SLC24A2: variants seen among roughly 807,000 people sequenced by gnomAD.
SLC24A2 encodes the protein sodium/potassium/calcium exchanger 2.
A neutral mutation model predicts 62.0 loss-of-function variants in SLC24A2; 36 were observed. The ratio of observed to expected loss-of-function variants is 0.58; its 90% CI spans 0.44 to 0.77. The LOEUF (loss-of-function observed/expected upper bound fraction) is 0.77, where lower values mean the gene tolerates loss of function less well. Among genes scored for constraint, SLC24A2 ranks in the 30% least tolerant of loss-of-function variants. SLC24A2 has a pLI of 0.00. For missense variants in SLC24A2, 846 were observed against 817.9 expected, an observed-to-expected ratio of 1.03 and a Z score of -0.42; for synonymous variants, 358 against 294.0, an observed-to-expected ratio of 1.22 and a Z score of -2.23.
intron 2 of SLC24A2, among the ~76,000 whole-genome samples, chr9:19,733,773 A>T (rs1821411388): frequency 6.6e-6 from 1 of 152,122 alleles, no homozygotes; most frequent in African/African-American, 2.4e-5. Flanking sequence ...GGCACCTCTG[A>T]CCTACGTTTG....
chr9:20,245,352 A>G, the SLC24A2 span, among the ~76,000 whole-genome samples: 1 of 152,242 alleles, frequency 6.6e-6, no homozygotes, highest in East Asian at 1.9e-4. Context: ...CCTAGATGGT[A>G]TTGGTGAGAC....
rs536952759 is a variant in SLC24A2 at position 19,514,218 on chromosome 9, G to A, written c.*1935C>T. The A allele has an allele frequency of 5.9e-5, 9 of 152,188 alleles. No homozygotes were observed. The highest frequency in any genetic ancestry group is 8.8e-5 in the Non-Finnish European group (6 of 68,076). 9.4% of individuals were successfully genotyped at this position (152,188 alleles called of 1,614,324 possible). A position where few individuals can be genotyped will look rare whatever the true frequency, so the allele number is the denominator to read the frequency against. ...GGAAGGAATACTGAGCTTGATCTGG[G>A]GCTGTCAGGTTACCTTTCCTCTTAT... On this transcript the variant is annotated 3_prime_UTR_variant, in exon 11 of 11. Transcript: ENST00000341998.
chr9:19,786,000 C>A lies in SLC24A2; in HGVS notation c.867G>T (p.Trp289Cys), dbSNP rs764613686. 6.2e-7 allele frequency: 1 copy of A among 1,614,090 alleles called. No homozygotes were observed. The highest frequency in any genetic ancestry group is 8.5e-7 in the Non-Finnish European group (1 of 1,179,944). ...FMKFNVQVEK[W>C]VKQMINRNKV... ...TATTGCGGTTTATCATTTGCTTCAC[C>A]CATTTTTCTACTTGGACGTTGAATT... is the stretch of plus-strand genomic sequence containing the variant. Residue 289 changes from tryptophan to cysteine, a missense_variant, in exon 2 of 11, where the codon TGG (tryptophan) becomes TGT (cysteine). Coordinates refer to ENST00000341998, the MANE Select transcript of SLC24A2 (RefSeq NM_020344.4).
At chr9:20,293,462 G>T in the SLC24A2 span, among the ~76,000 whole-genome samples, 12 of 152,090 alleles carry the variant, frequency 7.9e-5, no homozygotes, top group Non-Finnish European at 1.2e-4. Context: ...GGTCCTTGGG[G>T]TCAAATCCTA....
At chr9:19,848,678 A>G in the SLC24A2 span, among the ~76,000 whole-genome samples, 1 of 152,232 alleles carries the variant, frequency 6.6e-6, no homozygotes, top group African/African-American at 2.4e-5. Context: ...CTTCCTAAAT[A>G]TAAGTTAAAT....
chr9:19,704,140 G>A (rs376550575), intron 2 of SLC24A2, among the ~76,000 whole-genome samples: 36 of 146,018 alleles, frequency 2.5e-4, no homozygotes, highest in Admixed American at 6.2e-4. Flanking sequence ...ACCTATACCT[G>A]GAACTTGTTA....
the SLC24A2 span, among the ~76,000 whole-genome samples, chr9:20,148,536 G>A: frequency 6.6e-6 from 1 of 152,090 alleles, no homozygotes. Context: ...TGGCAGCTGT[G>A]TAGCTGGATT....
At chr9:20,157,248 A>T in the SLC24A2 span, among the ~76,000 whole-genome samples, 2 of 151,558 alleles carry the variant, frequency 1.3e-5, no homozygotes, top group African/African-American at 4.8e-5. Context: ...CTGGAGGATC[A>T]ATAAGAGGGA....
chr9:20,062,953 C>T, the SLC24A2 span, among the ~76,000 whole-genome samples: 4 of 117,444 alleles, frequency 3.4e-5, no homozygotes, highest in African/African-American at 1.5e-4. Context: ...TACCATCTCA[C>T]ACCAGTTAGA....
At position 19,598,185 on chromosome 9, in the gene SLC24A2, T is replaced by A. The variant is rs1489543047; in HGVS notation, c.1079-906A>T. ...AATTCTAGATTGTTTTAAGCAATTTTGTGAGCAGGTTAAAAATATATTTTC... is the reference window on the plus strand; with the variant it reads ...AATTCTAGATTGTTTTAAGCAATTTAGTGAGCAGGTTAAAAATATATTTTC... On this transcript the variant is annotated intron_variant, in intron 4 of 10. Transcript: ENST00000341998. Among the ~76,000 whole-genome samples the A allele has an allele frequency of 1.3e-5, 2 of 152,230 alleles. 1 individual carries two copies. Among genetic ancestry groups the A allele is most frequent in the East Asian group, 3.8e-4 (2 of 5,198 alleles).
the SLC24A2 span, among the ~76,000 whole-genome samples, chr9:19,832,913 C>T: frequency 3.9e-5 from 6 of 152,042 alleles, no homozygotes; most frequent in Admixed American, 2.0e-4. Flanking sequence ...AAACAACCCC[C>T]TCAAAAAGTG....
chr9:19,517,444 T>G (rs1832986002), intron 10 of SLC24A2, among the ~76,000 whole-genome samples: 1 of 152,088 alleles, frequency 6.6e-6, no homozygotes, highest in African/African-American at 2.4e-5. Context: ...AGAGAAATGA[T>G]GAGGGTGAAA....
the SLC24A2 span, among the ~76,000 whole-genome samples, chr9:19,974,314 G>A: frequency 2.0e-5 from 3 of 152,128 alleles, no homozygotes; most frequent in African/African-American, 7.2e-5. Context: ...AAACCCTATA[G>A]TGAAATTTCT....
At chr9:19,944,372 A>G in the SLC24A2 span, among the ~76,000 whole-genome samples, 37 of 151,892 alleles carry the variant, frequency 2.4e-4, no homozygotes, top group African/African-American at 8.2e-4. Context: ...CCCAAACCTC[A>G]ACATCATGCA....
the SLC24A2 span, among the ~76,000 whole-genome samples, chr9:19,865,407 A>C: frequency 1.3e-5 from 2 of 152,282 alleles, no homozygotes; most frequent in African/African-American, 4.8e-5. Flanking sequence ...AGCTGTCCTA[A>C]GCAAAAAGGA....
chr9:19,520,767 A>G (rs1833158111), intron 10 of SLC24A2, 127 bp downstream of exon 10: 2 of 855,460 alleles, frequency 2.3e-6, no homozygotes, highest in Non-Finnish European at 4.0e-6. Context: ...GGTATTCTCA[A>G]TCTTTACTCT....
the SLC24A2 span, among the ~76,000 whole-genome samples, chr9:20,250,685 C>T: frequency 1.3e-5 from 2 of 152,014 alleles, no homozygotes; most frequent in Non-Finnish European, 2.9e-5. Flanking sequence ...CTCCAGCTAA[C>T]GTTTTACTAT....
chr9:20,065,041 C>T, the SLC24A2 span, among the ~76,000 whole-genome samples: 1 of 152,200 alleles, frequency 6.6e-6, no homozygotes, highest in East Asian at 1.9e-4. Flanking sequence ...GAACTGGTAT[C>T]CAACCGATGA....
At chr9:19,670,333 A>G (rs1587128407) in intron 2 of SLC24A2, among the ~76,000 whole-genome samples, 1 of 152,214 alleles carries the variant, frequency 6.6e-6, no homozygotes, top group East Asian at 1.9e-4. Flanking sequence ...GCTTCCAAAT[A>G]TAACTATAGA....
Sources: gnomAD v4.1 joint callset for allele counts (sites outside exome capture counted in the v4.1 genomes callset) on GRCh38, gnomAD v4.1.1 for gene constraint, MANE v1.5 for transcripts, NCBI Gene and HGNC (gene_info 2026-07-23, HGNC 2026-07-21) for gene names.